Variants in CSTPP1 observed in about 807,000 individuals in gnomAD.
CSTPP1 encodes centriolar satellite-associated tubulin polyglutamylase complex regulator 1, also known as UPF0705 protein C11orf49.
chr11:47,133,657 C>G, the CSTPP1 span, among the ~76,000 whole-genome samples: 49 of 152,332 alleles, frequency 3.2e-4, no homozygotes, highest in Admixed American at 3.9e-4. Flanking sequence ...TGAATTGTCT[C>G]CTTGATCCAG....
At chr11:47,111,828 A>G in the CSTPP1 span, among the ~76,000 whole-genome samples, 2 of 152,206 alleles carry the variant, frequency 1.3e-5, no homozygotes, top group Non-Finnish European at 2.9e-5. Flanking sequence ...CTTCATGTAA[A>G]TACAGATGTA....
At chr11:47,120,925 CT>C in the CSTPP1 span, among the ~76,000 whole-genome samples, 2 of 152,156 alleles carry the variant, frequency 1.3e-5, no homozygotes, top group African/African-American at 4.8e-5. The surrounding 1 kb of genome is among the most constrained non-coding windows in gnomAD (Gnocchi z 4.2). Context: ...TTACAGCCTA[CT>C]ATTTTATAGT....
chr11:46,988,661 CA>C, the CSTPP1 span, among the ~76,000 whole-genome samples: 1 of 152,036 alleles, frequency 6.6e-6, no homozygotes, highest in Admixed American at 6.6e-5. Flanking sequence ...GATAGCACAA[CA>C]GGGTGACTCT....
chr11:47,161,168 A>G, the CSTPP1 span: 1 of 1,614,198 alleles, frequency 6.2e-7, no homozygotes, highest in East Asian at 2.2e-5. Flanking sequence ...CGACCCAGCA[A>G]TGGATGAAGA....
chr11:47,097,118 CCTGGCCAG>C, the CSTPP1 span, among the ~76,000 whole-genome samples: 1 of 136,500 alleles, frequency 7.3e-6, no homozygotes. Context: ...CAGCCCCCCG[CCTGGCCAG>C]CCGCCCCGTC....
the CSTPP1 span, among the ~76,000 whole-genome samples, chr11:46,971,965 G>A: frequency 5.3e-5 from 8 of 152,108 alleles, no homozygotes; most frequent in African/African-American, 1.9e-4. Flanking sequence ...AAAGCTAGGT[G>A]ACCTAATAAG....
chr11:47,105,089 G>A, the CSTPP1 span, among the ~76,000 whole-genome samples: 7 of 152,202 alleles, frequency 4.6e-5, no homozygotes, highest in Admixed American at 3.3e-4. Context: ...GTGAAGGATG[G>A]TTTGAGGATC....
the CSTPP1 span, chr11:47,164,226 C>T: frequency 7.4e-6 from 12 of 1,613,608 alleles, no homozygotes; most frequent in Admixed American, 1.7e-5. Context: ...GACGCCCTAC[C>T]ATTACCGGTG....
chr11:47,036,149 T>C, the CSTPP1 span, among the ~76,000 whole-genome samples: 12 of 41,560 alleles, frequency 2.9e-4, 1 homozygote, highest in Admixed American at 8.5e-4. Flanking sequence ...ATATATAATA[T>C]ATTATATATA....
At chr11:46,981,272 AG>A in the CSTPP1 span, among the ~76,000 whole-genome samples, 4 of 152,032 alleles carry the variant, frequency 2.6e-5, no homozygotes, top group South Asian at 8.3e-4. Context: ...AAAAAAAAAA[AG>A]ATGCAGAAAG....
the CSTPP1 span, among the ~76,000 whole-genome samples, chr11:47,017,517 A>G: frequency 6.6e-5 from 10 of 151,988 alleles, no homozygotes; most frequent in Non-Finnish European, 1.2e-4. Context: ...GAACAATTTC[A>G]TCACCACAAA....
chr11:47,117,490 GAGA>G, the CSTPP1 span, among the ~76,000 whole-genome samples: 5 of 152,142 alleles, frequency 3.3e-5, no homozygotes, highest in Non-Finnish European at 5.9e-5. Context: ...GGTTTCTGCC[GAGA>G]GATCCACTGT....
the CSTPP1 span, among the ~76,000 whole-genome samples, chr11:47,136,806 A>T: frequency 3.9e-5 from 6 of 152,258 alleles, no homozygotes; most frequent in African/African-American, 1.4e-4. Context: ...TTGATATATG[A>T]TAATACTTAC....
At chr11:47,051,351 C>T in the CSTPP1 span, among the ~76,000 whole-genome samples, 1 of 152,168 alleles carries the variant, frequency 6.6e-6, no homozygotes, top group Non-Finnish European at 1.5e-5. Flanking sequence ...ACACCAGGCT[C>T]TACAGCCTTT....
the CSTPP1 span, among the ~76,000 whole-genome samples, chr11:46,962,887 G>T: frequency 6.6e-6 from 1 of 152,188 alleles, no homozygotes; most frequent in East Asian, 1.9e-4. Context: ...CTAGGAAGCT[G>T]AGGCTGCAGG....
At chr11:47,161,990 C>T in the CSTPP1 span, 8 of 1,037,560 alleles carry the variant, frequency 7.7e-6, no homozygotes, top group Non-Finnish European at 8.1e-6. Flanking sequence ...AGGTTCATCT[C>T]CTCACAGCAA....
chr11:46,991,875 G>A, the CSTPP1 span, among the ~76,000 whole-genome samples: 2 of 152,004 alleles, frequency 1.3e-5, no homozygotes, highest in East Asian at 3.9e-4. Flanking sequence ...CGAGTAGCTG[G>A]GATTACAGGC....
chr11:47,158,063 G>A, the CSTPP1 span: 10 of 728,692 alleles, frequency 1.4e-5, no homozygotes, highest in Non-Finnish European at 2.3e-5. Flanking sequence ...TCAATCCCAG[G>A]GAGCAGGAAT....
At chr11:47,052,409 A>G in the CSTPP1 span, 2 of 1,613,844 alleles carry the variant, frequency 1.2e-6, no homozygotes, top group African/African-American at 2.7e-5. Context: ...TATGCCAGGG[A>G]ACACACATTC....
Sources: gnomAD v4.1 joint callset for allele counts (sites outside exome capture counted in the v4.1 genomes callset) on GRCh38, gnomAD v4.1.1 for gene constraint, Gnocchi (gnomAD v3.1) non-coding constraint, MANE v1.5 for transcripts, NCBI Gene and HGNC (gene_info 2026-07-23, HGNC 2026-07-21) for gene names.